DNAH7: variants seen among roughly 807,000 people sequenced by gnomAD.
DNAH7 encodes dynein axonemal heavy chain 7.
Under a neutral mutation model 444.6 loss-of-function variants are expected in DNAH7, and 397 were observed. That is an observed-to-expected ratio of 0.89 (90% CI 0.82 to 0.97). The LOEUF (loss-of-function observed/expected upper bound fraction) is 0.97, where lower values mean the gene tolerates loss of function less well. Among genes scored for constraint, DNAH7 ranks in the 50% least tolerant of loss-of-function variants. DNAH7 has a pLI of 0.00. For synonymous variants in DNAH7, 1,636 were observed against 1,624.4 expected (o/e 1.01, Z -0.17); for missense variants, 4,902 against 4,800.8 (o/e 1.02, Z -0.62).
chr2:195,880,416 C>T (rs1028201444), intron 36 of DNAH7, among the ~76,000 whole-genome samples: 2 of 151,660 alleles, frequency 1.3e-5, no homozygotes, highest in Non-Finnish European at 2.9e-5. Flanking sequence ...GCAAGCTCCA[C>T]CTCCTGGGTT....
chr2:195,742,377 A>G (rs540276835), intron 63 of DNAH7, among the ~76,000 whole-genome samples: 28 of 152,314 alleles, frequency 1.8e-4, no homozygotes, highest in African/African-American at 6.5e-4. Flanking sequence ...TTGCCCAACA[A>G]ATTTCTGCCT....
At chr2:195,884,916 C>A in intron 34 of DNAH7, 107 bp from the exon 35 acceptor site, 1 of 877,318 alleles carries the variant, frequency 1.1e-6, no homozygotes, top group Non-Finnish European at 1.7e-6. Context: ...AAAGGAAACA[C>A]GTAAGCTCAA....
chr2:196,051,502 C>T (rs905486432), intron 2 of DNAH7, among the ~76,000 whole-genome samples: 6 of 152,108 alleles, frequency 3.9e-5, no homozygotes, highest in African/African-American at 1.4e-4. Flanking sequence ...CGGCCAGGCG[C>T]GGTGGCTGTA....
chr2:196,012,768 T>TGAAATTTC lies in DNAH7; in HGVS notation c.989+11_989+18dup, dbSNP rs1465600221. 1.9e-6 allele frequency: 3 copies of TGAAATTTC among 1,597,208 alleles called. No homozygotes were observed. The East Asian group carries it at 6.8e-5, about 36-fold the overall frequency. On this transcript the variant is annotated intron_variant, in intron 10 of 64. Transcript: ENST00000312428. Reference sequence around the variant, plus strand: ...ATTTTTAAACTTATGCTTTCCTACATGAAATTTCAAACCTTTACATTTTAA... The same window carrying TGAAATTTC: ...ATTTTTAAACTTATGCTTTCCTACATGAAATTTCGAAATTTCAAACCTTTACATTTTAA...
intron 48 of DNAH7, among the ~76,000 whole-genome samples, chr2:195,833,270 CTGTG>C (rs1698162781): frequency 6.6e-6 from 1 of 152,192 alleles, no homozygotes; most frequent in Non-Finnish European, 1.5e-5. Context: ...GTGCATGTGT[CTGTG>C]TGTCTATTAC....
Position 195,886,328 on chromosome 2 carries a change from T to C in DNAH7, c.5407-56A>G, listed in dbSNP as rs1701711568. Reference sequence around the variant, plus strand: ...AATTTAAATTAGGTAATAGCTAAAATAGCCCCAGCTAATATTTATTAAGCT... The same window carrying C: ...AATTTAAATTAGGTAATAGCTAAAACAGCCCCAGCTAATATTTATTAAGCT... On this transcript the variant is annotated intron_variant, in intron 33 of 64. Coordinates refer to ENST00000312428, the MANE Select transcript of DNAH7 (RefSeq NM_018897.3). 2.0e-6 allele frequency: 3 copies of C among 1,480,562 alleles called. No homozygotes were observed. The Admixed American group carries it at 5.6e-5, about 28-fold the overall frequency. The allele number at this position is 1,480,562 out of a possible 1,614,324, so 91.7% of individuals were successfully genotyped here.
intron 22 of DNAH7, 82 bp from the exon 23 acceptor site, chr2:195,923,889 C>A: frequency 5.2e-6 from 6 of 1,160,926 alleles, no homozygotes; most frequent in Non-Finnish European, 7.5e-6. Context: ...AGTATATATA[C>A]AGATTATTCT....
At chr2:195,952,197 T>C (rs192720197) in intron 19 of DNAH7, among the ~76,000 whole-genome samples, 1 of 152,342 alleles carries the variant, frequency 6.6e-6, no homozygotes, top group Admixed American at 6.5e-5. Context: ...TGAAGCTTAG[T>C]TTGGCTGGAT....
intron 40 of DNAH7, among the ~76,000 whole-genome samples, chr2:195,866,493 A>G (rs1256236401): frequency 6.6e-6 from 1 of 152,232 alleles, no homozygotes; most frequent in Non-Finnish European, 1.5e-5. Context: ...GAGGTACTTA[A>G]GATCTCAGAC....
chr2:195,810,149 A>T (rs1052094496), intron 51 of DNAH7, among the ~76,000 whole-genome samples: 1 of 152,088 alleles, frequency 6.6e-6, no homozygotes, highest in African/African-American at 2.4e-5. Flanking sequence ...CTGTTAGATT[A>T]AAAAGTTTAC....
intron 30 of DNAH7, 83 bp downstream of exon 30, chr2:195,894,893 G>A: frequency 1.6e-6 from 2 of 1,255,408 alleles, no homozygotes; most frequent in Middle Eastern, 2.8e-4. Flanking sequence ...TTGCCACATT[G>A]AATGCATCTT....
chr2:195,743,622 A>T (rs573972170), intron 63 of DNAH7, among the ~76,000 whole-genome samples: 1 of 152,334 alleles, frequency 6.6e-6, no homozygotes, highest in East Asian at 1.9e-4. Context: ...CTCAGGTGGG[A>T]TCTATGTCCC....
At position 195,808,706 on chromosome 2, in the gene DNAH7, T is replaced by A. The variant is rs1696819077; in HGVS notation, c.10059A>T (p.Gly3353=). The A allele has an allele frequency of 1.2e-6, 2 of 1,614,014 alleles. No individual in the cohort carries two copies. Among genetic ancestry groups the A allele is most frequent in the East Asian group, 2.2e-5 (1 of 44,868 alleles). ...IRREFMRLKD[G]WKKVYDSLEP... is the part of the protein sequence containing the mutation. ...CCAAACTATCATATACTTTCTTCCA[T>A]CCATCCTTTAAGCGCATAAACTCTC... The change falls in exon 53 of 65, where the codon GGA becomes GGT. Residue 3353 remains glycine (G), a synonymous_variant. Transcript: ENST00000312428.
chr2:196,026,212 T>A (rs1014522471), intron 7 of DNAH7, among the ~76,000 whole-genome samples: 4 of 152,204 alleles, frequency 2.6e-5, no homozygotes, highest in Non-Finnish European at 5.9e-5. Flanking sequence ...TATGTTCCAA[T>A]AAAACTTTAT....
intron 14 of DNAH7, 74 bp downstream of exon 14, chr2:195,986,989 TTAC>T: frequency 9.4e-6 from 12 of 1,282,274 alleles, no homozygotes; most frequent in Non-Finnish European, 9.4e-6. Flanking sequence ...CTTTAATCAA[TTAC>T]TCTAGTTGAG....
chr2:195,851,216 TGA>T, intron 46 of DNAH7, among the ~76,000 whole-genome samples: 1 of 152,244 alleles, frequency 6.6e-6, no homozygotes, highest in Admixed American at 6.5e-5. Context: ...TGTTTTGACC[TGA>T]GAGAAACAGA....
At chr2:195,852,784 T>C (rs1226152174) in intron 46 of DNAH7, among the ~76,000 whole-genome samples, 2 of 152,078 alleles carry the variant, frequency 1.3e-5, no homozygotes, top group Non-Finnish European at 2.9e-5. Context: ...AAGCCACTTA[T>C]CAACAGGGTT....
chr2:196,013,157 A>G (rs1198332554), intron 9 of DNAH7, among the ~76,000 whole-genome samples: 2 of 152,176 alleles, frequency 1.3e-5, no homozygotes, highest in African/African-American at 4.8e-5. Context: ...TAACTGGGAT[A>G]TGAAGGATAG....
intron 1 of DNAH7, among the ~76,000 whole-genome samples, chr2:196,067,339 T>C (rs1255855099): frequency 6.6e-6 from 1 of 152,234 alleles, no homozygotes. Flanking sequence ...CTGCTCAATA[T>C]ATAATAATGG....
Sources: allele counts gnomAD v4.1 joint callset (sites outside exome capture counted in the v4.1 genomes callset), GRCh38; gene constraint gnomAD v4.1.1; transcripts MANE v1.5; gene names NCBI Gene and HGNC (gene_info 2026-07-23, HGNC 2026-07-21).